Variants in DPY19L3 observed in about 807,000 individuals in gnomAD.
The protein encoded by DPY19L3 is protein C-mannosyl-transferase DPY19L3.
Under a neutral mutation model 92.3 loss-of-function variants are expected in DPY19L3, and 51 were observed. The ratio of observed to expected loss-of-function variants is 0.55; its 90% CI spans 0.44 to 0.70. DPY19L3 has a LOEUF of 0.70. Among genes scored for constraint, DPY19L3 ranks in the 30% least tolerant of loss-of-function variants. The pLI, the probability that DPY19L3 is intolerant of heterozygous loss-of-function variation, is 0.00. For synonymous variants in DPY19L3, 309 were observed against 315.2 expected (o/e 0.98, Z 0.21); for missense variants, 706 against 855.9 (o/e 0.82, Z 2.18).
In DPY19L3 at chr19:32,446,803, A is replaced by G. The variant is rs73036008; in HGVS notation, c.856-6342A>G. Among the ~76,000 whole-genome samples the G allele has an allele frequency of 5.3e-3, 812 of 152,308 alleles. 7 individuals are homozygous for G. The highest frequency in any genetic ancestry group is 0.037 in the Middle Eastern group (11 of 294). On this transcript the variant is annotated intron_variant, in intron 8 of 18. Transcript: ENST00000392250. ...CAGCACATCTCTCTGGACAATTGAT[A>G]GAACACCAGACAGAAAATCATCAGA... is the stretch of plus-strand genomic sequence containing the variant.
At chr19:32,445,454 A>AAAAAAAAAAAAAAAAC (rs1432322704) in intron 8 of DPY19L3, among the ~76,000 whole-genome samples, 2 of 149,372 alleles carry the variant, frequency 1.3e-5, no homozygotes, top group Non-Finnish European at 3.0e-5. Flanking sequence ...AAAAAAAAAA[A>AAAAAAAAAAAAAAAAC]AAAAAAACCA....
chr19:32,444,449 C>T (rs1376266765), intron 8 of DPY19L3, among the ~76,000 whole-genome samples: 1 of 152,096 alleles, frequency 6.6e-6, no homozygotes, highest in Non-Finnish European at 1.5e-5. Context: ...TGAACAGAGC[C>T]TCAAGGACCT....
intron 8 of DPY19L3, among the ~76,000 whole-genome samples, chr19:32,442,482 C>G (rs1599630818): frequency 6.6e-6 from 1 of 152,222 alleles, no homozygotes; most frequent in Admixed American, 6.5e-5. Context: ...CCCCAAAGTA[C>G]ATTGAAAAAC....
chr19:32,476,431 T>C (rs1185474559), intron 16 of DPY19L3, among the ~76,000 whole-genome samples: 2 of 148,918 alleles, frequency 1.3e-5, no homozygotes, highest in East Asian at 2.0e-4. Flanking sequence ...TGGGCCTCTG[T>C]GGGAAATTCT....
intron 12 of DPY19L3, 83 bp from the exon 13 acceptor site, chr19:32,463,283 A>G (rs922658821): frequency 1.4e-6 from 2 of 1,473,506 alleles, no homozygotes; most frequent in East Asian, 4.7e-5. Flanking sequence ...AAAGGCATAC[A>G]TTTCTTGTAT....
intron 15 of DPY19L3, among the ~76,000 whole-genome samples, chr19:32,466,040 C>T (rs12611366): frequency 0.18 from 26,737 of 152,142 alleles, 3,178 homozygotes; most frequent in East Asian, 0.45. Context: ...TTTCTCACCA[C>T]TGAAGATGTA....
At chr19:32,475,882 T>C (rs1389757418) in intron 16 of DPY19L3, among the ~76,000 whole-genome samples, 1 of 152,164 alleles carries the variant, frequency 6.6e-6, no homozygotes, top group South Asian at 2.1e-4. Context: ...CATGTGAAAC[T>C]TTTTTCCTGC....
At chr19:32,470,896 C>T (rs1970339572) in intron 16 of DPY19L3, among the ~76,000 whole-genome samples, 1 of 141,528 alleles carries the variant, frequency 7.1e-6, no homozygotes. Context: ...TTCTTCAAAT[C>T]TAAATAATAT....
At chr19:32,474,453 G>A (rs1013294926) in intron 16 of DPY19L3, among the ~76,000 whole-genome samples, 1 of 152,238 alleles carries the variant, frequency 6.6e-6, no homozygotes, top group Non-Finnish European at 1.5e-5. Context: ...TGAGGAGAGA[G>A]CATCTTCAGT....
At chr19:32,407,884 A>C (rs959736194) in intron 1 of DPY19L3, among the ~76,000 whole-genome samples, 1 of 152,180 alleles carries the variant, frequency 6.6e-6, no homozygotes, top group African/African-American at 2.4e-5. Context: ...GCATGAGGCC[A>C]GGAGTTCAGT....
intron 9 of DPY19L3, 120 bp downstream of exon 9, chr19:32,453,396 G>A: frequency 2.0e-6 from 2 of 1,013,672 alleles, no homozygotes; most frequent in South Asian, 1.8e-5. Context: ...ACTAAAAAGA[G>A]CACGTGGCAT....
intron 2 of DPY19L3, among the ~76,000 whole-genome samples, chr19:32,408,882 C>T (rs949871029): frequency 6.6e-6 from 1 of 151,426 alleles, no homozygotes; most frequent in African/African-American, 2.4e-5. Context: ...CTAAGTGATG[C>T]ATCAGATAGC....
At chr19:32,422,631 C>A (rs1274734552) in intron 3 of DPY19L3, among the ~76,000 whole-genome samples, 2 of 130,666 alleles carry the variant, frequency 1.5e-5, no homozygotes, top group Admixed American at 1.5e-4. Context: ...TCAGGAAAAA[C>A]ACACACACAC....
intron 2 of DPY19L3, among the ~76,000 whole-genome samples, chr19:32,408,697 A>G (rs185041303): frequency 1.3e-5 from 2 of 152,116 alleles, no homozygotes; most frequent in Admixed American, 6.5e-5. Flanking sequence ...ACACCAGGCA[A>G]CCTTACCTTG....
chr19:32,446,930 A>G (rs1969518662), intron 8 of DPY19L3, among the ~76,000 whole-genome samples: 1 of 152,224 alleles, frequency 6.6e-6, no homozygotes, highest in Non-Finnish European at 1.5e-5. Flanking sequence ...AAGCATTCAC[A>G]GAATACTTAC....
chr19:32,470,528 C>G (rs1300241642), intron 16 of DPY19L3, among the ~76,000 whole-genome samples: 1 of 152,092 alleles, frequency 6.6e-6, no homozygotes, highest in Non-Finnish European at 1.5e-5. Flanking sequence ...CTAGCAGAGC[C>G]CCAGGTTATC....
At chr19:32,434,528 G>A (rs1424113040) in intron 4 of DPY19L3, among the ~76,000 whole-genome samples, 3 of 152,082 alleles carry the variant, frequency 2.0e-5, no homozygotes, top group East Asian at 1.9e-4. Flanking sequence ...GCGTAGTGGC[G>A]CATGCCTGTA....
intron 17 of DPY19L3, among the ~76,000 whole-genome samples, chr19:32,478,516 C>T (rs1305686502): frequency 6.6e-6 from 1 of 152,180 alleles, no homozygotes; most frequent in Non-Finnish European, 1.5e-5. Context: ...AAAAGTGCCT[C>T]TCCCATTATT....
intron 12 of DPY19L3, among the ~76,000 whole-genome samples, chr19:32,461,605 T>C (rs1970042866): frequency 6.6e-6 from 1 of 152,216 alleles, no homozygotes. Flanking sequence ...AATTGTGAAT[T>C]ACCAATGGTG....
Sources: allele counts gnomAD v4.1 joint callset (sites outside exome capture counted in the v4.1 genomes callset), GRCh38; gene constraint gnomAD v4.1.1; transcripts MANE v1.5; gene names NCBI Gene and HGNC (gene_info 2026-07-23, HGNC 2026-07-21).